Variants in IDE observed in about 807,000 individuals in gnomAD.
IDE encodes insulin degrading enzyme, also known as insulin-degrading enzyme.
In IDE, 58 loss-of-function variants were observed where a neutral mutation model predicts 133.2. The ratio of observed to expected loss-of-function variants is 0.44; its 90% CI spans 0.35 to 0.54. The LOEUF is 0.54. Ranked by LOEUF, IDE falls within the 20% of genes least tolerant of loss-of-function variation. The pLI, the probability that IDE is intolerant of heterozygous loss-of-function variation, is 0.00. For missense variants in IDE, 981 were observed against 1,234.0 expected (o/e 0.79, Z 3.07); for synonymous variants, 396 against 421.3 (o/e 0.94, Z 0.73).
At chr10:92,527,936 A>C (rs375950749) in intron 4 of IDE, among the ~76,000 whole-genome samples, 2 of 152,298 alleles carry the variant, frequency 1.3e-5, no homozygotes, top group Admixed American at 6.5e-5. Flanking sequence ...GAATCGTTTG[A>C]ACCTGGGAGG....
intron 1 of IDE, among the ~76,000 whole-genome samples, chr10:92,565,252 A>G (rs1004437640): frequency 6.7e-6 from 1 of 150,364 alleles, no homozygotes; most frequent in Non-Finnish European, 1.5e-5. Context: ...TCAGAAAAAA[A>G]AAAAAAAAAA....
chr10:92,509,336 T>C, intron 6 of IDE, among the ~76,000 whole-genome samples: 1 of 152,138 alleles, frequency 6.6e-6, no homozygotes, highest in East Asian at 1.9e-4. Flanking sequence ...CTCACACCTA[T>C]AATCCTCGCA....
At chr10:92,515,853 C>T (rs954153988) in intron 4 of IDE, among the ~76,000 whole-genome samples, 1 of 150,326 alleles carries the variant, frequency 6.7e-6, no homozygotes, top group Non-Finnish European at 1.5e-5. Flanking sequence ...AGCCACCAAG[C>T]CCGGCCTAAA....
chr10:92,501,100 C>CT (rs1228888794), intron 11 of IDE, among the ~76,000 whole-genome samples: 1 of 151,220 alleles, frequency 6.6e-6, no homozygotes, highest in African/African-American at 2.4e-5. Context: ...TGGCACATGC[C>CT]TGTAATCCCA....
chr10:92,510,880 T>C (rs1156746204), intron 5 of IDE, among the ~76,000 whole-genome samples: 3 of 151,112 alleles, frequency 2.0e-5, no homozygotes, highest in African/African-American at 2.4e-5. Context: ...ACATACATGA[T>C]ATATCACATA....
intron 1 of IDE, among the ~76,000 whole-genome samples, chr10:92,549,867 G>A (rs1842701703): frequency 6.6e-6 from 1 of 152,070 alleles, no homozygotes; most frequent in Admixed American, 6.6e-5. Flanking sequence ...CAAGTCTTTA[G>A]ACACAAAATG....
At chr10:92,501,973 T>C (rs1671177382) in intron 11 of IDE, among the ~76,000 whole-genome samples, 1 of 151,576 alleles carries the variant, frequency 6.6e-6, no homozygotes, top group Non-Finnish European at 1.5e-5. Context: ...TGAAACTCCA[T>C]CTAAAAAAAA....
intron 4 of IDE, among the ~76,000 whole-genome samples, chr10:92,522,391 C>T (rs1849273148): frequency 6.6e-6 from 1 of 152,170 alleles, no homozygotes; most frequent in African/African-American, 2.4e-5. Flanking sequence ...TCATGAAGAA[C>T]ATAGGCTTTG....
At chr10:92,540,672 A>G (rs1393771242) in intron 1 of IDE, among the ~76,000 whole-genome samples, 1 of 152,208 alleles carries the variant, frequency 6.6e-6, no homozygotes, top group African/African-American at 2.4e-5. Flanking sequence ...AATGATGATG[A>G]TGATGATGGT....
In IDE at chr10:92,454,453, T is replaced by G; in HGVS notation, c.3051A>C (p.Ala1017=). 1 of 1,610,044 alleles carries G rather than the reference T, an allele frequency of 6.2e-7. No individual in the cohort carries two copies. Among genetic ancestry groups the G allele is most frequent in the Non-Finnish European group, 8.5e-7 (1 of 1,176,198 alleles). The change falls in exon 25 of 25, where the codon GCA becomes GCC. Residue 1017 remains alanine (A), a synonymous_variant. Transcript: ENST00000265986. ...LVKPHINFMA[A]KL is the part of the protein sequence containing the mutation. ...CATGCATGGGGAATCTTCAGAGTTT[T>G]GCAGCCATGAAGTTAATATGTGGTT...
chr10:92,510,218 G>A lies in IDE; in HGVS notation c.785-56C>T, dbSNP rs1848511069. On this transcript the variant is annotated intron_variant, in intron 5 of 24. Transcript: ENST00000265986. ...TTAAGCGAATCATAACATCCAACAG[G>A]GAGTGCTTAAAATCTTAGGATCTCC... 36 of 880,194 alleles carry A rather than the reference G, an allele frequency of 4.1e-5. No homozygotes were observed. The East Asian group carries it at 8.7e-4, about 21-fold the overall frequency. 54.5% of individuals were successfully genotyped at this position (880,194 alleles called of 1,614,324 possible).
chr10:92,571,671 A>G (rs77790875), intron 1 of IDE, among the ~76,000 whole-genome samples: 62 of 152,360 alleles, frequency 4.1e-4, no homozygotes, highest in Non-Finnish European at 7.8e-4. Context: ...GATTGATCTT[A>G]CATAAATGCT....
chr10:92,561,255 T>TA (rs1300503146), intron 1 of IDE, among the ~76,000 whole-genome samples: 11 of 146,938 alleles, frequency 7.5e-5, no homozygotes, highest in South Asian at 2.2e-4. Context: ...AAACTCCGTC[T>TA]AAAAAAAAAA....
chr10:92,456,313 T>C (rs1359911196), intron 23 of IDE, 46 bp downstream of exon 23: 4 of 1,347,830 alleles, frequency 3.0e-6, no homozygotes, highest in East Asian at 2.3e-5. Context: ...AGGCCAACCA[T>C]CAGATGGCTC....
chr10:92,509,094 G>C (rs77729165), intron 6 of IDE, among the ~76,000 whole-genome samples: 4 of 152,280 alleles, frequency 2.6e-5, no homozygotes, highest in African/African-American at 7.2e-5. Context: ...TATAGTCCAT[G>C]TTTGACCCCC....
chr10:92,529,644 G>A (rs1477441138), intron 4 of IDE, among the ~76,000 whole-genome samples: 1 of 152,048 alleles, frequency 6.6e-6, no homozygotes, highest in Non-Finnish European at 1.5e-5. Context: ...GGGAGGCGAG[G>A]CAGGAAGAAT....
rs1589555438 is a variant in IDE, at chr10:92,566,003, A to G, written c.98+7919T>C. 1.2e-4 allele frequency among the ~76,000 whole-genome samples: 9 copies of G among 78,072 alleles called. No homozygotes were observed. In the South Asian group the frequency reaches 3.8e-3, roughly 33 times the overall value. The allele number at this position is 78,072 out of a possible 152,430, so 51.2% of individuals were successfully genotyped here. ...GAGCTTCAATATCCTTATCTGAAAG[A>G]AAAAAAAAAAAGACTACCACCACCA... On this transcript the variant is annotated intron_variant, in intron 1 of 24. Coordinates refer to ENST00000265986, the MANE Select transcript of IDE (RefSeq NM_004969.4).
chr10:92,491,958 C>T (rs564261266), intron 11 of IDE, among the ~76,000 whole-genome samples: 1 of 151,986 alleles, frequency 6.6e-6, no homozygotes, highest in East Asian at 1.9e-4. Context: ...GAAGAGAAGT[C>T]AGATGGAAAA....
At position 92,507,642 on chromosome 10, in the gene IDE, T is replaced by G; in HGVS notation, c.1178A>C (p.His393Pro). Residue 393 changes from histidine (H) to proline (P), a missense_variant, in exon 9 of 25, where the codon CAC becomes CCC. His to Pro is a moderately conservative substitution (Grantham distance 77). Transcript: ENST00000265986. ...GLLHVEDIIL[H>P]MFQYIQKLRA... ...TAACTTCTGAATGTATTGAAACATGTGCAAAATTATATCTTCAACATGTAC... is the reference window on the plus strand; with the variant it reads ...TAACTTCTGAATGTATTGAAACATGGGCAAAATTATATCTTCAACATGTAC... 6.3e-7 allele frequency: 1 copy of G among 1,598,202 alleles called. No homozygotes were observed. The highest frequency in any genetic ancestry group is 8.6e-7 in the Non-Finnish European group (1 of 1,165,478).
Sources: gnomAD v4.1 joint callset for allele counts (sites outside exome capture counted in the v4.1 genomes callset) on GRCh38, gnomAD v4.1.1 for gene constraint, MANE v1.5 for transcripts, NCBI Gene and HGNC (gene_info 2026-07-23, HGNC 2026-07-21) for gene names.